PATL1: variants seen among roughly 807,000 people sequenced by gnomAD.
PATL1 encodes PAT1 homolog 1, processing body mRNA decay factor, also known as protein PAT1 homolog 1.
PATL1 carries 32 observed loss-of-function variants against 100.6 expected under a neutral mutation model. The observed-to-expected ratio is 0.32, with a 90% CI of 0.24 to 0.43. The LOEUF is 0.43. Among genes scored for constraint, PATL1 ranks in the 20% least tolerant of loss-of-function variants. PATL1 has a pLI of 1.00. For missense variants in PATL1, 747 were observed against 949.9 expected, an observed-to-expected ratio of 0.79 and a Z score of 2.81; for synonymous variants, 332 against 330.0, an observed-to-expected ratio of 1.01 and a Z score of -0.07.
rs1008849700 is a variant in PATL1, at chr11:59,637,701, A to G, written c.*689T>C. The G allele has an allele frequency of 1.3e-5, 2 of 152,318 alleles. No individual in the cohort carries two copies. The highest frequency in any genetic ancestry group is 4.8e-5 in the African/African-American group (2 of 41,474). 9.4% of individuals were successfully genotyped at this position (152,318 alleles called of 1,614,324 possible). A position where few individuals can be genotyped will look rare whatever the true frequency, so the allele number is the denominator to read the frequency against. ...TCAGCCTAGACCTGGGCATAAGCCA[A>G]TTAAGAGTTCTGATTTTATTAAACG... On this transcript the variant is annotated 3_prime_UTR_variant, in exon 19 of 19. Transcript: ENST00000300146.
chr11:59,648,552 C>T (rs1345642242), intron 14 of PATL1, among the ~76,000 whole-genome samples: 3 of 151,100 alleles, frequency 2.0e-5, no homozygotes, highest in East Asian at 1.9e-4. Context: ...TAAAAACATT[C>T]GTCAACTCAG....
intron 4 of PATL1, among the ~76,000 whole-genome samples, chr11:59,657,964 G>A (rs936701855): frequency 6.6e-6 from 1 of 151,986 alleles, no homozygotes; most frequent in African/African-American, 2.4e-5. Flanking sequence ...AGGAGTTTGA[G>A]ACTAGCCTGG....
chr11:59,659,222 ATAG>A (rs1565135421), intron 3 of PATL1, 27 bp downstream of exon 3: 1 of 1,537,684 alleles, frequency 6.5e-7, no homozygotes, highest in Non-Finnish European at 8.8e-7. Flanking sequence ...TTAGTCTGCT[ATAG>A]TTCTCAAATC....
At chr11:59,662,880 T>C (rs1861644798) in intron 2 of PATL1, among the ~76,000 whole-genome samples, 1 of 152,164 alleles carries the variant, frequency 6.6e-6, no homozygotes, top group African/African-American at 2.4e-5. Flanking sequence ...TTTAAAAATA[T>C]TGGTTAAGTC....
At chr11:59,660,644 G>A (rs988412075) in intron 2 of PATL1, among the ~76,000 whole-genome samples, 5 of 152,184 alleles carry the variant, frequency 3.3e-5, no homozygotes, top group African/African-American at 7.2e-5. Context: ...AATGGAATGA[G>A]CAGGGTGGGG....
chr11:59,644,378 CA>C (rs1224846211), intron 15 of PATL1, among the ~76,000 whole-genome samples: 2 of 151,988 alleles, frequency 1.3e-5, no homozygotes, highest in Non-Finnish European at 2.9e-5. Flanking sequence ...GTATCTGTTT[CA>C]AATTCAAATT....
Position 59,636,888 on chromosome 11 carries a change from T to C in PATL1, c.*1502A>G, listed in dbSNP as rs1411127151. The C allele has an allele frequency of 1.3e-5, 2 of 152,462 alleles. No individual in the cohort carries two copies. The highest frequency in any genetic ancestry group is 2.4e-5 in the African/African-American group (1 of 41,400). The allele number at this position is 152,462 out of a possible 1,614,324, so 9.4% of individuals were successfully genotyped here. On this transcript the variant is annotated 3_prime_UTR_variant, in exon 19 of 19. Transcript: ENST00000300146. ...TTGTGAAGGGAAGGTAGGAAAGGCA[T>C]GTAGTGGAAATGGTCAGTAGACAAC...
chr11:59,652,364 C>G, intron 11 of PATL1, 100 bp downstream of exon 11: 1 of 1,435,470 alleles, frequency 7.0e-7, no homozygotes, highest in Non-Finnish European at 9.3e-7. Flanking sequence ...TTTGAAACAT[C>G]TTTGCATATC....
intron 8 of PATL1, among the ~76,000 whole-genome samples, chr11:59,654,856 C>T (rs568272669): frequency 6.6e-6 from 1 of 152,176 alleles, no homozygotes; most frequent in Non-Finnish European, 1.5e-5. Flanking sequence ...AAGAGATTAC[C>T]CTCAATAATG....
At chr11:59,668,846 G>T in intron 1 of PATL1, 35 bp downstream of exon 1, 2 of 1,295,504 alleles carry the variant, frequency 1.5e-6, no homozygotes, top group Non-Finnish European at 2.1e-6. Flanking sequence ...GGCGCGGGAG[G>T]GAGGGAGGGG....
In PATL1 at chr11:59,667,009, CTCA is replaced by C. The variant is rs1463933243; in HGVS notation, c.16-48_16-46del. On this transcript the variant is annotated intron_variant, in intron 1 of 18. Transcript: ENST00000300146. The stretch of plus-strand genomic sequence containing the variant: ...ATTAGTTATTCATGAAATTCACACC[CTCA>C]TTTTAAAAATGTTCTAAAAATGTTC... 6 of 1,518,872 alleles carry C rather than the reference CTCA, an allele frequency of 4.0e-6. No individual in the cohort carries two copies. In the African/African-American group the frequency reaches 8.4e-5, roughly 21 times the overall value. 94.1% of individuals were successfully genotyped at this position (1,518,872 alleles called of 1,614,324 possible).
chr11:59,652,126 C>G (rs1861456568), intron 11 of PATL1, among the ~76,000 whole-genome samples: 2 of 45,310 alleles, frequency 4.4e-5, no homozygotes, highest in Non-Finnish European at 8.0e-5. Flanking sequence ...AAAGCAACCC[C>G]TTATCAAAAT....
chr11:59,659,921 G>A (rs1861604888), intron 2 of PATL1, among the ~76,000 whole-genome samples: 1 of 152,078 alleles, frequency 6.6e-6, no homozygotes, highest in African/African-American at 2.4e-5. Context: ...CAGGAAATAA[G>A]GTTTAAACTA....
intron 1 of PATL1, among the ~76,000 whole-genome samples, chr11:59,667,484 A>C (rs1861707633): frequency 6.6e-6 from 1 of 152,208 alleles, no homozygotes; most frequent in African/African-American, 2.4e-5. Flanking sequence ...ATGAAACAGA[A>C]AATTAGGTCT....
rs565510632 is a variant in PATL1 at position 59,661,372 on chromosome 11, C to T, written c.128-1903G>A. On this transcript the variant is annotated intron_variant, in intron 2 of 18. Coordinates refer to ENST00000300146, the MANE Select transcript of PATL1 (RefSeq NM_152716.3). ...AAGAGCTGGGATCACAGGCTTGAGC[C>T]ACTGCCTCTGGCCTTTCTTTTCAGG... Among the ~76,000 whole-genome samples, 4 of 152,336 alleles carry T rather than the reference C, an allele frequency of 2.6e-5. No homozygotes were observed. In the East Asian group the frequency reaches 5.8e-4, roughly 22 times the overall value.
chr11:59,665,201 T>C (rs1365184266), intron 2 of PATL1, among the ~76,000 whole-genome samples: 1 of 152,242 alleles, frequency 6.6e-6, no homozygotes, highest in Non-Finnish European at 1.5e-5. Context: ...TTTGCCAGTT[T>C]ATTCAAGTCA....
rs1264620200 is a variant in PATL1, at chr11:59,639,397, C to CA, written c.2050-15dup. On this transcript the variant is annotated splice_polypyrimidine_tract_variant and intron_variant, in intron 16 of 18. Coordinates refer to ENST00000300146, the MANE Select transcript of PATL1 (RefSeq NM_152716.3). ...TGACAGGCCAAACTACGAGAAAAGA[C>CA]AGAGGGAATCAAACTCAACACTGTG... 1 of 1,544,650 alleles carries CA rather than the reference C, an allele frequency of 6.5e-7. No individual in the cohort carries two copies. The highest frequency in any genetic ancestry group is 2.0e-5 in the Admixed American group (1 of 50,990).
In PATL1 at chr11:59,638,351, G is replaced by T. The variant is rs372859616; in HGVS notation, c.*39C>A. ...CATTGGTGATGGCAGCAGTGCAGGT[G>T]GCAGCCAAAAGGAGGTACAGGACAC... On this transcript the variant is annotated 3_prime_UTR_variant, in exon 19 of 19. Coordinates refer to ENST00000300146, the MANE Select transcript of PATL1 (RefSeq NM_152716.3). The T allele has an allele frequency of 3.3e-5, 53 of 1,598,920 alleles. No homozygotes were observed. Among genetic ancestry groups the T allele is most frequent in the Non-Finnish European group, 4.4e-5 (51 of 1,167,490 alleles).
intron 2 of PATL1, among the ~76,000 whole-genome samples, chr11:59,665,270 T>C (rs1861671589): frequency 6.6e-6 from 1 of 152,248 alleles, no homozygotes; most frequent in Non-Finnish European, 1.5e-5. Flanking sequence ...TATAATACTT[T>C]AAGGCCTCTT....
Sources: allele counts gnomAD v4.1 joint callset (sites outside exome capture counted in the v4.1 genomes callset), GRCh38; gene constraint gnomAD v4.1.1; transcripts MANE v1.5; gene names NCBI Gene and HGNC (gene_info 2026-07-23, HGNC 2026-07-21).